Variants in CLRN1 observed in about 807,000 individuals in gnomAD.
CLRN1 encodes clarin-1.
CLRN1 carries 15 observed loss-of-function variants against 18.7 expected under a neutral mutation model. That is an observed-to-expected ratio of 0.80 (90% CI 0.54 to 1.23). CLRN1 has a LOEUF of 1.23. Ranked by LOEUF, CLRN1 falls within the 50% of genes most tolerant of loss-of-function variation. The pLI, the probability that CLRN1 is intolerant of heterozygous loss-of-function variation, is 0.00. For missense variants in CLRN1, 311 were observed against 277.5 expected, an observed-to-expected ratio of 1.12 and a Z score of -0.86; for synonymous variants, 104 against 102.9, an observed-to-expected ratio of 1.01 and a Z score of -0.07.
rs369887343 is a variant in CLRN1, at chr3:150,928,438, G to A, written c.434-237C>T. On this transcript the variant is annotated intron_variant, in intron 2 of 2. Coordinates refer to ENST00000327047, the MANE Select transcript of CLRN1 (RefSeq NM_174878.3). ...ATTTGTGTGTGCGTGTAGGAGTGCA[G>A]TGGGAGGTAAGGAGGTGGTTAGAAT... Among the ~76,000 whole-genome samples the A allele has an allele frequency of 3.5e-4, 53 of 152,284 alleles. 2 individuals are homozygous for A. In the South Asian group the frequency reaches 8.9e-3, roughly 26 times the overall value.
At chr3:150,940,726 C>T (rs907648962) in intron 2 of CLRN1, among the ~76,000 whole-genome samples, 8 of 152,302 alleles carry the variant, frequency 5.3e-5, no homozygotes, top group Non-Finnish European at 1.2e-4. Flanking sequence ...AAATTATACA[C>T]ACATTTTTCA....
At chr3:150,940,385 C>A in intron 2 of CLRN1, 1 of 1,154,380 alleles carries the variant, frequency 8.7e-7, no homozygotes, top group South Asian at 1.7e-5. Context: ...CTGTTAACTA[C>A]AGGCCTTTGT....
At chr3:150,957,469 C>A (rs572234039) in intron 1 of CLRN1, among the ~76,000 whole-genome samples, 2 of 152,272 alleles carry the variant, frequency 1.3e-5, no homozygotes, top group Admixed American at 6.5e-5. Flanking sequence ...CTGTAATATT[C>A]AAAGAACCAT....
chr3:150,939,516 C>T (rs890037257), intron 2 of CLRN1, among the ~76,000 whole-genome samples: 1 of 152,142 alleles, frequency 6.6e-6, no homozygotes, highest in African/African-American at 2.4e-5. Context: ...ACCTGTAGTT[C>T]AAACTTGAGC....
At chr3:150,934,094 G>A (rs1713317951) in intron 2 of CLRN1, among the ~76,000 whole-genome samples, 1 of 152,150 alleles carries the variant, frequency 6.6e-6, no homozygotes, top group Non-Finnish European at 1.5e-5. Flanking sequence ...TTGGCGTAGA[G>A]ATAAGATGCA....
intron 2 of CLRN1, among the ~76,000 whole-genome samples, chr3:150,934,529 G>T (rs939620990): frequency 6.6e-6 from 1 of 152,100 alleles, no homozygotes; most frequent in Non-Finnish European, 1.5e-5. Flanking sequence ...CCTCCAAAAG[G>T]CCTGAACCAA....
At chr3:150,942,509 C>T (rs1275403455) in intron 1 of CLRN1, 3 of 394,746 alleles carry the variant, frequency 7.6e-6, no homozygotes, top group Admixed American at 3.0e-5. Context: ...CATTTTAGTT[C>T]CCCAAACATG....
At chr3:150,928,251 G>C (rs199813119) in intron 2 of CLRN1, 50 bp from the exon 3 acceptor site, 1 of 1,607,146 alleles carries the variant, frequency 6.2e-7, no homozygotes, top group East Asian at 2.2e-5. Context: ...TGATTGTAAG[G>C]GACAGGGAAG....
intron 1 of CLRN1, among the ~76,000 whole-genome samples, chr3:150,960,169 T>C (rs1030150643): frequency 2.6e-5 from 4 of 152,210 alleles, no homozygotes; most frequent in Admixed American, 6.5e-5. Context: ...TAGATGATAA[T>C]AGAAATAAAT....
At chr3:150,962,499 T>C (rs546557918) in intron 1 of CLRN1, among the ~76,000 whole-genome samples, 45 of 152,248 alleles carry the variant, frequency 3.0e-4, no homozygotes, top group Non-Finnish European at 6.2e-4. Context: ...GCTACAATTC[T>C]ATCCCCTTGG....
chr3:150,934,088 C>T (rs753255678), intron 2 of CLRN1, among the ~76,000 whole-genome samples: 3 of 152,038 alleles, frequency 2.0e-5, no homozygotes, highest in Non-Finnish European at 2.9e-5. Flanking sequence ...TAAGGATTGG[C>T]GTAGAGATAA....
At chr3:150,935,277 A>C (rs1207240018) in intron 2 of CLRN1, among the ~76,000 whole-genome samples, 1 of 143,718 alleles carries the variant, frequency 7.0e-6, no homozygotes, top group Non-Finnish European at 1.5e-5. Context: ...TATATCTCCT[A>C]ATGCTATCCC....
chr3:150,955,288 G>A (rs62282741), intron 1 of CLRN1, among the ~76,000 whole-genome samples: 7,817 of 152,230 alleles, frequency 0.051, 202 homozygotes, highest in Non-Finnish European at 0.061. Context: ...CGGGAGTGAT[G>A]GGTGTGTTCT....
In CLRN1 at chr3:150,928,052, A is replaced by C; in HGVS notation, c.583T>G (p.Cys195Gly). The C allele has an allele frequency of 6.2e-7, 1 of 1,614,184 alleles. No homozygotes were observed. Among genetic ancestry groups the C allele is most frequent in the Non-Finnish European group, 8.5e-7 (1 of 1,180,028 alleles). ...YTTSFWVIFF[C>G]FFVHFLNGLL... The stretch of plus-strand genomic sequence containing the variant: ...CCATTCAGAAAATGAACAAAAAAGC[A>C]AAAGAAAATGACCCAGAATGAGGTG... Residue 195 changes from cysteine (C) to glycine (G), a missense_variant, in exon 3 of 3, where the codon TGC becomes GGC. Coordinates refer to ENST00000327047, the MANE Select transcript of CLRN1 (RefSeq NM_174878.3).
Position 150,972,634 on chromosome 3 carries a change from C to A in CLRN1, c.75G>T (p.Val25=). The A allele has an allele frequency of 6.2e-7, 1 of 1,614,212 alleles. No homozygotes were observed. The highest frequency in any genetic ancestry group is 8.5e-7 in the Non-Finnish European group (1 of 1,180,046). The change falls in exon 1 of 3, where the codon GTG becomes GTT. Residue 25 remains valine, a synonymous_variant. Transcript: ENST00000327047. ...TCCACAACGGTGTCCCCAAGGCTGTCACAACTCCGAGGGCACATGCAAAAC... is the reference window on the plus strand; with the variant it reads ...TCCACAACGGTGTCCCCAAGGCTGTAACAACTCCGAGGGCACATGCAAAAC... The part of the protein sequence containing the change: ...VFSFACALGV[V]TALGTPLWIK...
intron 2 of CLRN1, 148 bp from the exon 3 acceptor site, chr3:150,928,349 G>A (rs1712946443): frequency 9.6e-7 from 1 of 1,041,428 alleles, no homozygotes; most frequent in East Asian, 2.6e-5. Flanking sequence ...TTGTAATCAT[G>A]AGCCTGATTC....
intron 1 of CLRN1, among the ~76,000 whole-genome samples, chr3:150,943,352 C>T (rs1210816656): frequency 6.6e-6 from 1 of 152,116 alleles, no homozygotes; most frequent in Non-Finnish European, 1.5e-5. Context: ...TATGTATGGC[C>T]TGCCCCACCA....
At chr3:150,930,586 GCAAAA>G (rs1713082768) in intron 2 of CLRN1, among the ~76,000 whole-genome samples, 1 of 151,952 alleles carries the variant, frequency 6.6e-6, no homozygotes, top group Admixed American at 6.6e-5. Flanking sequence ...CTCTCCCCTG[GCAAAA>G]CCGTATTATT....
intron 1 of CLRN1, chr3:150,943,976 G>A: frequency 1.4e-6 from 2 of 1,467,660 alleles, no homozygotes; most frequent in Non-Finnish European, 1.9e-6. Context: ...TCCCATGAAG[G>A]GGTCAAGAAA....
Sources: allele counts gnomAD v4.1 joint callset (sites outside exome capture counted in the v4.1 genomes callset), GRCh38; gene constraint gnomAD v4.1.1; transcripts MANE v1.5; gene names NCBI Gene and HGNC (gene_info 2026-07-23, HGNC 2026-07-21).